The following ARHGAP6 variants were observed in gnomAD, a reference collection of about 807,000 sequenced individuals.
The protein encoded by ARHGAP6 is Rho GTPase activating protein 6.
A neutral mutation model predicts 55.7 loss-of-function variants in ARHGAP6; 16 were observed. The ratio of observed to expected loss-of-function variants is 0.29; its 90% CI spans 0.19 to 0.44. The LOEUF is 0.44. ARHGAP6 is among the 20% of genes least tolerant of loss of function. The pLI is 1.00. For synonymous variants in ARHGAP6, 382 were observed against 360.9 expected, an observed-to-expected ratio of 1.06 and a Z score of -0.66; for missense variants, 698 against 808.9, an observed-to-expected ratio of 0.86 and a Z score of 1.66.
intron 1 of ARHGAP6, among the ~76,000 whole-genome samples, chrX:11,523,186 C>A (rs905747641): frequency 9.0e-6 from 1 of 111,536 alleles, no homozygotes; most frequent in African/African-American, 3.3e-5. Context: ...ATTCAACAGC[C>A]CTTCATGCTA....
chrX:11,231,379 A>C (rs2047129294), intron 2 of ARHGAP6, among the ~76,000 whole-genome samples: 2 of 112,409 alleles, frequency 1.8e-5, no homozygotes, highest in Non-Finnish European at 3.8e-5. Flanking sequence ...TAGAGCAGTG[A>C]TGTACTGAAC....
chrX:11,344,410 C>T (rs1376434388), intron 1 of ARHGAP6, among the ~76,000 whole-genome samples: 11 of 110,864 alleles, frequency 9.9e-5, no homozygotes, highest in African/African-American at 3.6e-4. Context: ...CAGTGGCTCA[C>T]GCCTGTAATC....
rs559220862 is a variant in ARHGAP6 at position 11,634,981 on chromosome X, G to C, written c.588+29260C>G. On this transcript the variant is annotated intron_variant, in intron 1 of 12. Coordinates refer to ENST00000337414, the MANE Select transcript of ARHGAP6 (RefSeq NM_013427.3). The stretch of plus-strand genomic sequence containing the variant: ...TTCAAGCTCACCCACATGGTCATTG[G>C]CAGGATTCAATTCCTTAAGAGTTAT... 1.2e-3 allele frequency among the ~76,000 whole-genome samples: 137 copies of C among 110,367 alleles called. 1 individual carries two copies. The South Asian group carries it at 0.049, about 40-fold the overall frequency.
At chrX:11,153,459 G>C (rs1236037146) in intron 10 of ARHGAP6, among the ~76,000 whole-genome samples, 2 of 102,283 alleles carry the variant, frequency 2.0e-5, no homozygotes, top group African/African-American at 7.2e-5. Context: ...CGGGAGGTGG[G>C]GATTGCAGTG....
chrX:11,420,234 G>C (rs1422463463), intron 1 of ARHGAP6, among the ~76,000 whole-genome samples: 1 of 112,268 alleles, frequency 8.9e-6, no homozygotes, highest in African/African-American at 3.2e-5. Context: ...GGGAGTCCTT[G>C]TTGCATCACT....
At chrX:11,265,180 A>G (rs909894377) in intron 1 of ARHGAP6, among the ~76,000 whole-genome samples, 51 of 112,384 alleles carry the variant, frequency 4.5e-4, no homozygotes, top group African/African-American at 1.5e-3. Context: ...TATAATAATG[A>G]AAGCCAGACA....
intron 1 of ARHGAP6, among the ~76,000 whole-genome samples, chrX:11,320,947 T>A (rs2048425862): frequency 9.0e-6 from 1 of 111,092 alleles, no homozygotes; most frequent in Non-Finnish European, 1.9e-5. Context: ...TAATTCTAAT[T>A]ATATATAAGG....
chrX:11,172,352 T>C (rs2046104296), intron 8 of ARHGAP6, among the ~76,000 whole-genome samples: 1 of 111,818 alleles, frequency 8.9e-6, no homozygotes, highest in African/African-American at 3.3e-5. Flanking sequence ...TTTTATTTCA[T>C]TGACAAGTTT....
In ARHGAP6 at chrX:11,349,620, C is replaced by T. The variant is rs759595832; in HGVS notation, c.589-94913G>A. 7.1e-5 allele frequency among the ~76,000 whole-genome samples: 8 copies of T among 111,905 alleles called. No individual in the cohort carries two copies. The East Asian group carries it at 2.2e-3, about 31-fold the overall frequency. On this transcript the variant is annotated intron_variant, in intron 1 of 12. Transcript: ENST00000337414. ...AGACATTTCAAAGTATATGTTGAGG[C>T]ATCCACTGAAGACAAATTTTGGAAT...
intron 1 of ARHGAP6, among the ~76,000 whole-genome samples, chrX:11,276,183 C>T (rs949481108): frequency 4.6e-4 from 51 of 111,351 alleles, no homozygotes; most frequent in South Asian, 1.9e-3. Context: ...GTCACCGATA[C>T]GTCCCTCCTA....
intron 1 of ARHGAP6, among the ~76,000 whole-genome samples, chrX:11,518,568 T>C (rs1603239723): frequency 9.5e-6 from 1 of 105,316 alleles, no homozygotes; most frequent in Non-Finnish European, 2.0e-5. Context: ...AACTAAGGGA[T>C]GTTTCTTTGC....
At chrX:11,428,782 C>T (rs2049915410) in intron 1 of ARHGAP6, among the ~76,000 whole-genome samples, 1 of 111,803 alleles carries the variant, frequency 8.9e-6, no homozygotes, top group South Asian at 3.7e-4. Context: ...ATGAACCATC[C>T]ACTGGCATGT....
intron 1 of ARHGAP6, among the ~76,000 whole-genome samples, chrX:11,322,359 G>A (rs937414481): frequency 1.0e-5 from 1 of 95,744 alleles, no homozygotes; most frequent in Non-Finnish European, 2.2e-5. Context: ...AACACTGATA[G>A]CATATTTTTC....
At chrX:11,409,561 G>C (rs187751397) in intron 1 of ARHGAP6, among the ~76,000 whole-genome samples, 1 of 112,382 alleles carries the variant, frequency 8.9e-6, no homozygotes, top group African/African-American at 3.2e-5. Flanking sequence ...AGCAAGGAGA[G>C]GTGGAGGGAG....
chrX:11,652,348 T>C (rs1156879898), intron 1 of ARHGAP6, among the ~76,000 whole-genome samples: 1 of 112,096 alleles, frequency 8.9e-6, no homozygotes, highest in East Asian at 2.8e-4. Context: ...GCATATTGAC[T>C]AGCCAGTTAT....
intron 1 of ARHGAP6, among the ~76,000 whole-genome samples, chrX:11,280,725 G>A (rs1006357045): frequency 4.4e-5 from 4 of 91,198 alleles, no homozygotes; most frequent in African/African-American, 8.9e-5. Flanking sequence ...CAGCCTGGGC[G>A]ACAGAGCAAG....
intron 1 of ARHGAP6, among the ~76,000 whole-genome samples, chrX:11,651,895 T>C (rs933956241): frequency 6.2e-5 from 7 of 112,438 alleles, no homozygotes; most frequent in Non-Finnish European, 9.4e-5. Context: ...ATCAGTGATG[T>C]TGAGCTTTTT....
chrX:11,608,362 T>G (rs1469763950), intron 1 of ARHGAP6, among the ~76,000 whole-genome samples: 1 of 112,041 alleles, frequency 8.9e-6, no homozygotes, highest in Non-Finnish European at 1.9e-5. Context: ...TATGGTACAT[T>G]GCACATTTTC....
chrX:11,479,299 T>C (rs2050432884), intron 1 of ARHGAP6, among the ~76,000 whole-genome samples: 1 of 112,108 alleles, frequency 8.9e-6, no homozygotes, highest in African/African-American at 3.2e-5. Flanking sequence ...TGAAGTGGTA[T>C]GACTGTACAA....
Sources: allele counts gnomAD v4.1 joint callset (sites outside exome capture counted in the v4.1 genomes callset), GRCh38; gene constraint gnomAD v4.1.1; transcripts MANE v1.5; gene names NCBI Gene and HGNC (gene_info 2026-07-23, HGNC 2026-07-21).